The following PTPRQ variants were observed in gnomAD, a reference collection of about 807,000 sequenced individuals.
PTPRQ encodes the protein protein tyrosine phosphatase receptor type Q.
In PTPRQ, 199 loss-of-function variants were observed where a neutral mutation model predicts 246.0. That is an observed-to-expected ratio of 0.81 (90% confidence interval 0.72 to 0.91). The LOEUF (loss-of-function observed/expected upper bound fraction) is 0.91, where lower values mean the gene tolerates loss of function less well. Among genes scored for constraint, PTPRQ ranks in the 40% least tolerant of loss-of-function variants. PTPRQ has a pLI of 0.00. For missense variants in PTPRQ, 2,624 were observed against 2,528.4 expected (o/e 1.04, Z -0.81); for synonymous variants, 869 against 853.2 (o/e 1.02, Z -0.32).
chr12:80,522,814 G>C (rs533398703), intron 17 of PTPRQ, among the ~76,000 whole-genome samples: 1 of 151,948 alleles, frequency 6.6e-6, no homozygotes, highest in African/African-American at 2.4e-5. Flanking sequence ...GGATATTCAT[G>C]TAAAATTCTC....
Position 80,669,075 on chromosome 12 carries a change from G to A in PTPRQ, c.6261G>A (p.Trp2087Ter), listed in dbSNP as rs559244435. 8 of 1,550,598 alleles carry A rather than the reference G, an allele frequency of 5.2e-6. No individual in the cohort carries two copies. The highest frequency in any genetic ancestry group is 1.2e-5 in the South Asian group (1 of 84,000). The change falls in exon 40 of 45, where the codon TGG becomes TGA. Residue 2087 changes from tryptophan to a stop codon, truncating the protein, a stop_gained. Coordinates refer to ENST00000644991, the MANE Select transcript of PTPRQ (RefSeq NM_001145026.2). LOFTEE classifies it high-confidence loss of function. Reference sequence around the variant, plus strand: ...TACCAGGAACAGTTGGAGATTTTTGGAGAATGGTGTGGGAAACCAGAGCAA... The same window carrying A: ...TACCAGGAACAGTTGGAGATTTTTGAAGAATGGTGTGGGAAACCAGAGCAA... ...GPLPGTVGDF[W>*]RMVWETRAKT...
chr12:80,590,571 G>A (rs570038443), intron 26 of PTPRQ, among the ~76,000 whole-genome samples: 7 of 150,832 alleles, frequency 4.6e-5, no homozygotes, highest in African/African-American at 1.5e-4. Flanking sequence ...GGGAGGCTGA[G>A]GCAGGAGAAT....
chr12:80,532,782 C>CTGTCT (rs1280418984), intron 17 of PTPRQ, among the ~76,000 whole-genome samples: 2 of 152,166 alleles, frequency 1.3e-5, no homozygotes, highest in African/African-American at 2.4e-5. Context: ...CTAATCCTGC[C>CTGTCT]TGTCTCCAAT....
Position 80,652,851 on chromosome 12 carries a change from G to C in PTPRQ, c.6115+17G>C. 1 of 1,463,054 alleles carries C rather than the reference G, an allele frequency of 6.8e-7. No individual in the cohort carries two copies. The highest frequency in any genetic ancestry group is 9.0e-7 in the Non-Finnish European group (1 of 1,108,930). 90.6% of individuals were successfully genotyped at this position (1,463,054 alleles called of 1,614,324 possible). A position where few individuals can be genotyped will look rare whatever the true frequency, so the allele number is the denominator to read the frequency against. On this transcript the variant is annotated intron_variant, in intron 38 of 44. Transcript: ENST00000644991. ...TAAAACCATGTATGTGCATTTGTTG[G>C]TTTTGGTTTAGCTAGGAAATATTTT...
chr12:80,489,734 A>T (rs990707348), intron 9 of PTPRQ, among the ~76,000 whole-genome samples: 1 of 151,974 alleles, frequency 6.6e-6, no homozygotes, highest in Non-Finnish European at 1.5e-5. Context: ...AATAAAAAAA[A>T]ATCATTTCAT....
intron 17 of PTPRQ, among the ~76,000 whole-genome samples, chr12:80,518,688 T>G (rs917715113): frequency 1.3e-5 from 2 of 152,232 alleles, no homozygotes; most frequent in African/African-American, 4.8e-5. Flanking sequence ...TTCATTCTTC[T>G]GCATATGGAT....
At chr12:80,665,441 TC>T (rs1055336213) in intron 39 of PTPRQ, among the ~76,000 whole-genome samples, 1 of 152,068 alleles carries the variant, frequency 6.6e-6, no homozygotes, top group African/African-American at 2.4e-5. Flanking sequence ...CTTACTGAAT[TC>T]TAAAGTCATA....
At chr12:80,463,524 A>G (rs1189054385) in intron 6 of PTPRQ, among the ~76,000 whole-genome samples, 4 of 152,264 alleles carry the variant, frequency 2.6e-5, no homozygotes, top group Middle Eastern at 3.4e-3. Flanking sequence ...GAATGCCACA[A>G]AGATACTCCT....
intron 3 of PTPRQ, among the ~76,000 whole-genome samples, chr12:80,454,800 C>T (rs1406763765): frequency 6.6e-6 from 1 of 151,994 alleles, no homozygotes; most frequent in Non-Finnish European, 1.5e-5. Flanking sequence ...AATATTTTTA[C>T]TTAAAAAACT....
At chr12:80,524,575 T>G (rs1390893263) in intron 17 of PTPRQ, among the ~76,000 whole-genome samples, 1 of 152,164 alleles carries the variant, frequency 6.6e-6, no homozygotes, top group Non-Finnish European at 1.5e-5. Flanking sequence ...TACTGAGGTG[T>G]GTCTGACCTC....
At chr12:80,584,991 AT>A in intron 25 of PTPRQ, among the ~76,000 whole-genome samples, 1 of 151,704 alleles carries the variant, frequency 6.6e-6, no homozygotes, top group Non-Finnish European at 1.5e-5. Flanking sequence ...AAATATATAT[AT>A]ATATATAGTA....
chr12:80,610,619 GA>G lies in PTPRQ; in HGVS notation c.4914del (p.Glu1638AspfsTer11). 2.6e-6 allele frequency: 4 copies of G among 1,541,880 alleles called. No homozygotes were observed. Among genetic ancestry groups the G allele is most frequent in the Non-Finnish European group, 2.6e-6 (3 of 1,140,528 alleles). ...SSAEMIVTTL[E>X]SAPKDPPNNM... ...TGCTGAAATGATTGTTACTACTTTAGAATCAGGTAAGGAGAATTTCTCAACC... is the reference window on the plus strand; with the variant it reads ...TGCTGAAATGATTGTTACTACTTTAGATCAGGTAAGGAGAATTTCTCAACC... On this transcript the variant is annotated frameshift_variant, in exon 28 of 45. Coordinates refer to ENST00000644991, the MANE Select transcript of PTPRQ (RefSeq NM_001145026.2). LOFTEE classifies it high-confidence loss of function.
At chr12:80,578,533 G>A (rs1194566079) in intron 25 of PTPRQ, among the ~76,000 whole-genome samples, 1 of 151,810 alleles carries the variant, frequency 6.6e-6, no homozygotes, top group Non-Finnish European at 1.5e-5. Flanking sequence ...TGGGGCTGCA[G>A]GCGCCTGCCA....
At chr12:80,597,156 A>G (rs1219540020) in intron 26 of PTPRQ, among the ~76,000 whole-genome samples, 1 of 152,002 alleles carries the variant, frequency 6.6e-6, no homozygotes, top group East Asian at 1.9e-4. Flanking sequence ...TCAAAATTAT[A>G]CTTTTGAGGT....
intron 39 of PTPRQ, among the ~76,000 whole-genome samples, chr12:80,666,763 G>A (rs1452678775): frequency 1.3e-4 from 20 of 151,886 alleles, no homozygotes; most frequent in South Asian, 4.1e-4. Flanking sequence ...CTTTGGAGTC[G>A]TTATTGATTT....
chr12:80,650,030 T>A (rs1479323538), intron 37 of PTPRQ, among the ~76,000 whole-genome samples: 1 of 152,186 alleles, frequency 6.6e-6, no homozygotes, highest in Non-Finnish European at 1.5e-5. Flanking sequence ...TGTAGTTTTA[T>A]ATTTAAGTAA....
chr12:80,660,202 A>G (rs4435068), intron 39 of PTPRQ, among the ~76,000 whole-genome samples: 1 of 152,046 alleles, frequency 6.6e-6, no homozygotes, highest in Non-Finnish European at 1.5e-5. Context: ...AGAGGGAGGT[A>G]GGAAAGAAAG....
intron 35 of PTPRQ, among the ~76,000 whole-genome samples, chr12:80,635,900 T>C (rs1407184895): frequency 6.6e-6 from 1 of 152,166 alleles, no homozygotes; most frequent in Non-Finnish European, 1.5e-5. Context: ...ATTAAAAAAA[T>C]TATTATTAAT....
chr12:80,608,582 T>TA (rs1460309521), intron 27 of PTPRQ, among the ~76,000 whole-genome samples: 2 of 149,514 alleles, frequency 1.3e-5, no homozygotes, highest in African/African-American at 2.4e-5. Context: ...TATAAATTTA[T>TA]AATTTATAAA....
Sources: gnomAD v4.1 joint callset for allele counts (sites outside exome capture counted in the v4.1 genomes callset) on GRCh38, gnomAD v4.1.1 for gene constraint, MANE v1.5 for transcripts, NCBI Gene and HGNC (gene_info 2026-07-23, HGNC 2026-07-21) for gene names.